HTR3C: variants seen among roughly 807,000 people sequenced by gnomAD.
HTR3C encodes 5-hydroxytryptamine receptor 3C.
In HTR3C, 32 loss-of-function variants were observed where a neutral mutation model predicts 40.5. The observed-to-expected ratio is 0.79, with a 90% CI of 0.60 to 1.06. The LOEUF (loss-of-function observed/expected upper bound fraction) is 1.06, where lower values mean the gene tolerates loss of function less well. Among genes scored for constraint, HTR3C ranks in the 50% least tolerant of loss-of-function variants. The pLI is 0.00. For synonymous variants in HTR3C, 209 were observed against 217.1 expected (o/e 0.96, Z 0.33); for missense variants, 523 against 556.8 (o/e 0.94, Z 0.61).
chr3:184,055,232 T>C, intron 2 of HTR3C, 80 bp from the exon 3 acceptor site: 1 of 945,898 alleles, frequency 1.1e-6, no homozygotes, highest in Non-Finnish European at 1.7e-6. Flanking sequence ...AATAAATTAG[T>C]AAATATTGGT....
chr3:184,055,423 A>T, intron 3 of HTR3C, 67 bp downstream of exon 3: 1 of 1,211,420 alleles, frequency 8.3e-7, no homozygotes, highest in East Asian at 2.3e-5. Context: ...GTTAGAAGTG[A>T]CTTAAAGGGG....
At chr3:184,059,328 G>C in intron 6 of HTR3C, 108 bp from the exon 7 acceptor site, 1 of 929,706 alleles carries the variant, frequency 1.1e-6, no homozygotes, top group South Asian at 1.5e-5. Context: ...TACTTAAAAA[G>C]ATCGTCCCCA....
intron 4 of HTR3C, 121 bp downstream of exon 4, chr3:184,056,407 T>G: frequency 1.4e-6 from 1 of 707,014 alleles, no homozygotes. Flanking sequence ...ACGAACTGAC[T>G]TCCACACATC....
In HTR3C at chr3:184,058,588, G is replaced by A. The variant is rs1723379830; in HGVS notation, c.720+1G>A. 10 of 1,610,116 alleles carry A rather than the reference G, an allele frequency of 6.2e-6. No homozygotes were observed. Among genetic ancestry groups the A allele is most frequent in the Non-Finnish European group, 8.5e-6 (10 of 1,178,474 alleles). The stretch of plus-strand genomic sequence containing the variant: ...CCTATATGACCAGATCATGTTTTAT[G>A]TGAGTCCAGGGGCCCCTGTTTGACT... On this transcript the variant is annotated splice_donor_variant, in intron 6 of 8. Transcript: ENST00000318351. LOFTEE classifies it high-confidence loss of function.
At chr3:184,057,128 T>C (rs1340134227) in intron 5 of HTR3C, 84 bp downstream of exon 5, 3 of 1,019,446 alleles carry the variant, frequency 2.9e-6, no homozygotes, top group Non-Finnish European at 4.3e-6. Flanking sequence ...AGGTTTTGGA[T>C]CAGTGTTGCT....
chr3:184,060,289 C>T lies in HTR3C; in HGVS notation c.1281C>T (p.Phe427=), dbSNP rs1297945382. 2 of 1,614,152 alleles carry T rather than the reference C, an allele frequency of 1.2e-6. No individual in the cohort carries two copies. Among genetic ancestry groups the T allele is most frequent in the East Asian group, 4.5e-5 (2 of 44,864 alleles). The stretch of plus-strand genomic sequence containing the variant: ...GCCACGCGATGGACACCCTGCTCTT[C>T]CGCCTCTACCTGCTCTTCATGGCCT... ...QFSHAMDTLL[F]RLYLLFMASS... Residue 427 remains phenylalanine (F), a synonymous_variant, in exon 9 of 9, where the codon TTC becomes TTT. Coordinates refer to ENST00000318351, the MANE Select transcript of HTR3C (RefSeq NM_130770.3).
rs769399057 is a variant in HTR3C at position 184,058,412 on chromosome 3, C to T, written c.560-15C>T. Reference sequence around the variant, plus strand: ...GGGAAAACGTCTGCAATGAACTGACCGGCCTCCCTTCCAGTGGACAGCATG... The same window carrying T: ...GGGAAAACGTCTGCAATGAACTGACTGGCCTCCCTTCCAGTGGACAGCATG... On this transcript the variant is annotated splice_polypyrimidine_tract_variant and intron_variant, in intron 5 of 8. Transcript: ENST00000318351. The T allele has an allele frequency of 1.5e-5, 24 of 1,587,668 alleles. No individual in the cohort carries two copies. The highest frequency in any genetic ancestry group is 7.0e-5 in the East Asian group (3 of 42,712).
intron 7 of HTR3C, 37 bp downstream of exon 7, chr3:184,059,677 C>T: frequency 6.2e-7 from 1 of 1,610,362 alleles, no homozygotes; most frequent in Non-Finnish European, 8.5e-7. Flanking sequence ...AGAAAGGGCA[C>T]CCGGGGCCAG....
At chr3:184,055,572 G>C (rs895589402) in intron 3 of HTR3C, among the ~76,000 whole-genome samples, 1 of 151,840 alleles carries the variant, frequency 6.6e-6, no homozygotes, top group Non-Finnish European at 1.5e-5. Flanking sequence ...AAATTAGCTG[G>C]GCATGGTGGC....
At position 184,054,849 on chromosome 3, in the gene HTR3C, G is replaced by C. The variant is rs1471670517; in HGVS notation, c.196G>C (p.Val66Leu). The C allele has an allele frequency of 3.1e-6, 5 of 1,612,648 alleles. No individual in the cohort carries two copies. In the East Asian group the frequency reaches 1.1e-4, roughly 36 times the overall value. The change falls in exon 2 of 9, where the codon GTC becomes CTC. Residue 66 changes from valine to leucine, a missense_variant. Transcript: ENST00000318351. The part of the protein sequence containing the change: ...PFTNYSIPTR[V>L]NISFTLSAIL... ...CACCAACTACAGCATCCCTACCCGT[G>C]TCAACATCTCCTTCACCCTGTCTGC...
intron 1 of HTR3C, among the ~76,000 whole-genome samples, chr3:184,053,999 C>T (rs995802777): frequency 5.3e-5 from 8 of 152,082 alleles, no homozygotes; most frequent in Non-Finnish European, 7.4e-5. Context: ...GTGATCCGCC[C>T]ACCTCGGCCT....
At position 184,060,388 on chromosome 3, in the gene HTR3C, G is replaced by A. The variant is rs1329109293; in HGVS notation, c.*36G>A. 3 of 1,613,074 alleles carry A rather than the reference G, an allele frequency of 1.9e-6. No homozygotes were observed. In the African/African-American group the frequency reaches 4.0e-5, roughly 22 times the overall value. On this transcript the variant is annotated 3_prime_UTR_variant, in exon 9 of 9. Coordinates refer to ENST00000318351, the MANE Select transcript of HTR3C (RefSeq NM_130770.3). ...CCCCTCTCTGGCAAACAACAGCTTGGAGTTTCTGCTGGTCTTGGGCCAGCC... is the reference window on the plus strand; with the variant it reads ...CCCCTCTCTGGCAAACAACAGCTTGAAGTTTCTGCTGGTCTTGGGCCAGCC...
Position 184,060,137 on chromosome 3 carries a change from G to A in HTR3C, c.1142-13G>A, listed in dbSNP as rs1295571414. The A allele has an allele frequency of 1.1e-5, 17 of 1,612,430 alleles. No individual in the cohort carries two copies. Among genetic ancestry groups the A allele is most frequent in the Non-Finnish European group, 1.3e-5 (15 of 1,179,280 alleles). ...CTTCCCACTCCATGACTGAGCCTCT[G>A]TCCTCTCCACAGGCCCAAAGGAGCC... On this transcript the variant is annotated splice_polypyrimidine_tract_variant and intron_variant, in intron 8 of 8. Transcript: ENST00000318351.
chr3:184,056,981 ATCT>A lies in HTR3C; in HGVS notation c.500_502del (p.Phe167del), dbSNP rs1560081251. On this transcript the variant is annotated inframe_deletion, in exon 5 of 9. Transcript: ENST00000318351. ...GGTGACCAGCATCTGTAACCTGGAC[ATCT>A]TCTACTTCCCTTTTGACCAACAGAA... 6.2e-7 allele frequency: 1 copy of A among 1,613,724 alleles called. No homozygotes were observed. The highest frequency in any genetic ancestry group is 8.5e-7 in the Non-Finnish European group (1 of 1,179,660).
chr3:184,056,825 G>C (rs1034482589), intron 4 of HTR3C, 50 bp from the exon 5 acceptor site: 3 of 1,504,518 alleles, frequency 2.0e-6, no homozygotes, highest in Admixed American at 1.9e-5. Flanking sequence ...AGAAGGAAGG[G>C]AGACAAGAGC....
chr3:184,056,177 G>T lies in HTR3C; in HGVS notation c.280G>T (p.Val94Leu), dbSNP rs1723320980. ...LLTSFLWMDLVWDNPFINWNP... is the reference protein window; with the variant it reads ...LLTSFLWMDLLWDNPFINWNP... ...TCTGTCCCTCACTGCCCTGATGCAG[G>T]TATGGGACAATCCTTTCATTAATTG... The change falls in exon 4 of 9, where the codon GTA (valine) becomes TTA (leucine). Residue 94 changes from valine (V) to leucine (L), a missense_variant and splice_region_variant. Val to Leu is a conservative substitution (Grantham distance 32). Transcript: ENST00000318351. 6.2e-7 allele frequency: 1 copy of T among 1,603,614 alleles called. No individual in the cohort carries two copies. The highest frequency in any genetic ancestry group is 8.5e-7 in the Non-Finnish European group (1 of 1,170,434).
At chr3:184,057,733 TC>T (rs1233101850) in intron 5 of HTR3C, among the ~76,000 whole-genome samples, 1 of 150,374 alleles carries the variant, frequency 6.7e-6, no homozygotes, top group African/African-American at 2.5e-5. Flanking sequence ...AGACTCCGTC[TC>T]AAAACAAAAC....
Position 184,055,306 on chromosome 3 carries a change from T to C in HTR3C, c.235-6T>C. Reference sequence around the variant, plus strand: ...TAATAATCCTGAGTGGAAATTTCCTTGTCAGGATGCACAGCTCCAGCTGCT... The same window carrying C: ...TAATAATCCTGAGTGGAAATTTCCTCGTCAGGATGCACAGCTCCAGCTGCT... On this transcript the variant is annotated splice_region_variant and splice_polypyrimidine_tract_variant and intron_variant, in intron 2 of 8. Coordinates refer to ENST00000318351, the MANE Select transcript of HTR3C (RefSeq NM_130770.3). 2 of 1,603,608 alleles carry C rather than the reference T, an allele frequency of 1.2e-6. No individual in the cohort carries two copies. The highest frequency in any genetic ancestry group is 8.5e-7 in the Non-Finnish European group (1 of 1,170,358).
rs371116490 is a variant in HTR3C, at chr3:184,059,514, C to G, written c.799C>G (p.Leu267Val). 1.7e-5 allele frequency: 27 copies of G among 1,614,078 alleles called. No homozygotes were observed. Among genetic ancestry groups the G allele is most frequent in the Non-Finnish European group, 2.0e-5 (24 of 1,180,048 alleles). ...TAGCTTTCTGGTTGCCATTGATGCC[C>G]TCAGCTTCTACCTGCCAGCAGAGAG... The part of the protein sequence containing the change: ...PSSFLVAIDA[L>V]SFYLPAESEN... Residue 267 changes from leucine to valine, a missense_variant, in exon 7 of 9, where the codon CTC becomes GTC. Physicochemically the swap from Leu to Val is conservative, Grantham distance 32. Coordinates refer to ENST00000318351, the MANE Select transcript of HTR3C (RefSeq NM_130770.3).
Sources: allele counts gnomAD v4.1 joint callset (sites outside exome capture counted in the v4.1 genomes callset), GRCh38; gene constraint gnomAD v4.1.1; transcripts MANE v1.5; gene names NCBI Gene and HGNC (gene_info 2026-07-23, HGNC 2026-07-21).